Variants in TREM2 observed in about 807,000 individuals in gnomAD.
TREM2 encodes the protein triggering receptor expressed on monocytes 2.
In TREM2, 20 loss-of-function variants were observed where a neutral mutation model predicts 22.9. The ratio of observed to expected loss-of-function variants is 0.87; its 90% CI spans 0.61 to 1.27. The LOEUF is 1.27. Among genes scored for constraint, TREM2 ranks in the 50% most tolerant of loss-of-function variants. The pLI, the probability that TREM2 is intolerant of heterozygous loss-of-function variation, is 0.00. For missense variants in TREM2, 267 were observed against 289.0 expected (o/e 0.92, Z 0.55); for synonymous variants, 111 against 120.9 (o/e 0.92, Z 0.54).
intron 1 of TREM2, 33 bp downstream of exon 1, chr6:41,163,002 TGAGGGAGA>T (rs1765605916): frequency 6.2e-7 from 1 of 1,613,542 alleles, no homozygotes; most frequent in African/African-American, 1.3e-5. Context: ...ATGCTCAAAG[TGAGGGAGA>T]GAAGGCATCA....
In TREM2 at chr6:41,161,601, G is replaced by A; in HGVS notation, c.53C>T (p.Ala18Val). 1 of 1,613,380 alleles carries A rather than the reference G, an allele frequency of 6.2e-7. No homozygotes were observed. ...GCCCTGGAACACTGTGGTGTTGTGG[G>A]CTCCGGACAGCTCTGGGGAGGAGAC... ...ILLFVTELSG[A>V]HNTTVFQGVA... The change falls in exon 2 of 5, where the codon GCC (alanine) becomes GTC (valine). Residue 18 changes from alanine (A) to valine (V), a missense_variant. Transcript: ENST00000373113.
rs1340154087 is a variant in TREM2, at chr6:41,163,035, G to C, written c.40+8C>G. The C allele has an allele frequency of 3.1e-6, 5 of 1,614,008 alleles. No individual in the cohort carries two copies. The highest frequency in any genetic ancestry group is 1.1e-5 in the South Asian group (1 of 91,088). ...AGAAGGCATCACAGGGCACGGAGGG[G>C]ATCCTACCTGTGACAAAGAGTAAGA... On this transcript the variant is annotated splice_region_variant and intron_variant, in intron 1 of 4. Coordinates refer to ENST00000373113, the MANE Select transcript of TREM2 (RefSeq NM_018965.4).
Position 41,161,431 on chromosome 6 carries a change from G to T in TREM2, c.223C>A (p.Leu75Met). The T allele has an allele frequency of 6.2e-7, 1 of 1,614,258 alleles. No individual in the cohort carries two copies. The highest frequency in any genetic ancestry group is 8.5e-7 in the Non-Finnish European group (1 of 1,180,046). The change falls in exon 2 of 5, where the codon CTG (leucine) becomes ATG (methionine). Residue 75 changes from leucine to methionine, a missense_variant. Coordinates refer to ENST00000373113, the MANE Select transcript of TREM2 (RefSeq NM_018965.4). ...STHNLWLLSFLRRWNGSTAIT... is the reference protein window; with the variant it reads ...STHNLWLLSFMRRWNGSTAIT... ...GCTGTGCTCCCATTCCACCTCCTCA[G>T]GAAGGACAGCAGCCACAAGTTGTGC...
At position 41,161,434 on chromosome 6, in the gene TREM2, A is replaced by G; in HGVS notation, c.220T>C (p.Phe74Leu). 2 of 1,614,280 alleles carry G rather than the reference A, an allele frequency of 1.2e-6. No homozygotes were observed. Among genetic ancestry groups the G allele is most frequent in the African/African-American group, 1.3e-5 (1 of 75,074 alleles). The stretch of plus-strand genomic sequence containing the variant: ...GTGCTCCCATTCCACCTCCTCAGGA[A>G]GGACAGCAGCCACAAGTTGTGCGTG... ...VSTHNLWLLS[F>L]LRRWNGSTAI... is the part of the protein sequence containing the mutation. The change falls in exon 2 of 5, where the codon TTC becomes CTC. Residue 74 changes from phenylalanine (F) to leucine (L), a missense_variant. Physicochemically the swap from Phe to Leu is conservative, Grantham distance 22. Transcript: ENST00000373113.
intron 3 of TREM2, 79 bp downstream of exon 3, chr6:41,159,713 G>A: frequency 7.5e-7 from 1 of 1,331,764 alleles, no homozygotes; most frequent in East Asian, 2.3e-5. Context: ...TGTAGTTCAG[G>A]ATGCCCAGCC....
rs930458671 is a variant in TREM2, at chr6:41,161,730, A to G, written c.41-117T>C. On this transcript the variant is annotated intron_variant, in intron 1 of 4. Transcript: ENST00000373113. ...CCTGAAGGAGCTTAGGTTCTTATAC[A>G]AGTTGGGAGCGGATGGCACAGCATG... 5.7e-6 allele frequency: 5 copies of G among 878,548 alleles called. No individual in the cohort carries two copies. In the African/African-American group the frequency reaches 8.3e-5, roughly 15 times the overall value. The allele number at this position is 878,548 out of a possible 1,614,324, so 54.4% of individuals were successfully genotyped here. A position where few individuals can be genotyped will look rare whatever the true frequency, so the allele number is the denominator to read the frequency against.
rs1417835240 is a variant in TREM2, at chr6:41,163,104, G to A, written c.-22C>T. 2.5e-6 allele frequency: 4 copies of A among 1,613,680 alleles called. No homozygotes were observed. The highest frequency in any genetic ancestry group is 1.3e-5 in the African/African-American group (1 of 74,922). ...CCATGCCACCCTTCCCCAGCCAAGG[G>A]CAGAAGCAGAGTGCCTTGTGCAAGA... is the stretch of plus-strand genomic sequence containing the variant. On this transcript the variant is annotated 5_prime_UTR_variant, in exon 1 of 5. Coordinates refer to ENST00000373113, the MANE Select transcript of TREM2 (RefSeq NM_018965.4).
chr6:41,159,377 TA>T (rs1241321520), intron 3 of TREM2, among the ~76,000 whole-genome samples: 4 of 152,294 alleles, frequency 2.6e-5, no homozygotes, highest in Middle Eastern at 6.8e-3. Context: ...GAACAACGTT[TA>T]AACACCAGTA....
intron 3 of TREM2, 148 bp from the exon 4 acceptor site, chr6:41,159,214 G>T: frequency 1.1e-6 from 1 of 945,388 alleles, no homozygotes; most frequent in Non-Finnish European, 1.6e-6. Flanking sequence ...TTGGAGCTTT[G>T]GGAGCCCATA....
chr6:41,159,207 G>T (rs1765496587), intron 3 of TREM2, 141 bp from the exon 4 acceptor site: 1 of 977,300 alleles, frequency 1.0e-6, no homozygotes, highest in Non-Finnish European at 1.6e-6. Flanking sequence ...GGCCTTTTTG[G>T]AGCTTTGGGA....
In TREM2 at chr6:41,161,393, A is replaced by G. The variant is rs1437721574; in HGVS notation, c.261T>C (p.Asp87=). The G allele has an allele frequency of 7.4e-6, 12 of 1,614,122 alleles. No homozygotes were observed. The highest frequency in any genetic ancestry group is 9.3e-6 in the Non-Finnish European group (11 of 1,180,044). ...RWNGSTAITD[D]TLGGTLTITL... ...TAATGGTGAGAGTGCCACCCAGGGTATCGTCTGTGATGGCTGTGCTCCCAT... is the reference window on the plus strand; with the variant it reads ...TAATGGTGAGAGTGCCACCCAGGGTGTCGTCTGTGATGGCTGTGCTCCCAT... Residue 87 remains aspartate (D), a synonymous_variant, in exon 2 of 5, where the codon GAT becomes GAC. Coordinates refer to ENST00000373113, the MANE Select transcript of TREM2 (RefSeq NM_018965.4).
intron 1 of TREM2, among the ~76,000 whole-genome samples, chr6:41,162,555 C>T (rs965792731): frequency 7.2e-5 from 11 of 152,228 alleles, no homozygotes; most frequent in East Asian, 1.9e-4. Context: ...GAAATCTCTA[C>T]GCTCCTCACC....
At chr6:41,159,088 A>G (rs1411063236) in intron 3 of TREM2, 22 bp from the exon 4 acceptor site, 2 of 1,604,432 alleles carry the variant, frequency 1.2e-6, no homozygotes, top group Non-Finnish European at 1.7e-6. Context: ...AAGAAGGCAG[A>G]TGGGAGCCTT....
chr6:41,162,385 C>T (rs1313896064), intron 1 of TREM2, among the ~76,000 whole-genome samples: 1 of 152,250 alleles, frequency 6.6e-6, no homozygotes, highest in Non-Finnish European at 1.5e-5. Flanking sequence ...CCCTGACCAC[C>T]ATCTAAGAAG....
At position 41,159,012 on chromosome 6, in the gene TREM2, CAGG is replaced by C. The variant is rs1387626094; in HGVS notation, c.534_536del (p.Leu179del). The C allele has an allele frequency of 2.5e-6, 4 of 1,614,050 alleles. No individual in the cohort carries two copies. Among genetic ancestry groups the C allele is most frequent in the Non-Finnish European group, 3.4e-6 (4 of 1,180,032 alleles). ...GAATCTTGATGAGAAAGATGCAGGC[CAGG>C]AGGAGAAGGATGGAAGTGGGTGGGA... On this transcript the variant is annotated inframe_deletion, in exon 4 of 5. Transcript: ENST00000373113.
chr6:41,162,935 A>T, intron 1 of TREM2, 108 bp downstream of exon 1: 1 of 1,460,760 alleles, frequency 6.8e-7, no homozygotes, highest in Non-Finnish European at 9.6e-7. Context: ...CAGGCATGCG[A>T]GGACTGCCAC....
Position 41,161,237 on chromosome 6 carries a change from C to T in TREM2, c.391+26G>A, listed in dbSNP as rs772287664. The T allele has an allele frequency of 2.5e-6, 4 of 1,601,054 alleles. No individual in the cohort carries two copies. In the East Asian group the frequency reaches 8.9e-5, roughly 36 times the overall value. On this transcript the variant is annotated intron_variant, in intron 2 of 4. Transcript: ENST00000373113. Reference sequence around the variant, plus strand: ...CATGAGGCCTGGAACAGGGGCAGGCCAGAGAGGCAGCCACTGCCCACTCAC... The same window carrying T: ...CATGAGGCCTGGAACAGGGGCAGGCTAGAGAGGCAGCCACTGCCCACTCAC...
chr6:41,162,518 G>A (rs1288611039), intron 1 of TREM2, among the ~76,000 whole-genome samples: 1 of 152,164 alleles, frequency 6.6e-6, no homozygotes, highest in Non-Finnish European at 1.5e-5. Flanking sequence ...AAAATTTGGT[G>A]TGTCAATTCC....
In TREM2 at chr6:41,161,611, G is replaced by C; in HGVS notation, c.43C>G (p.Leu15Val). Residue 15 changes from leucine (L) to valine (V), a missense_variant and splice_region_variant, in exon 2 of 5, where the codon CTG becomes GTG. Transcript: ENST00000373113. ...RLLILLFVTE[L>V]SGAHNTTVFQ... ...ACTGTGGTGTTGTGGGCTCCGGACA[G>C]CTCTGGGGAGGAGACATTCATTCAC... 6.2e-7 allele frequency: 1 copy of C among 1,612,264 alleles called. No homozygotes were observed. The highest frequency in any genetic ancestry group is 1.1e-5 in the South Asian group (1 of 90,782).
Sources: gnomAD v4.1 joint callset for allele counts (sites outside exome capture counted in the v4.1 genomes callset) on GRCh38, gnomAD v4.1.1 for gene constraint, MANE v1.5 for transcripts, NCBI Gene and HGNC (gene_info 2026-07-23, HGNC 2026-07-21) for gene names.